The following CTSO variants were observed in gnomAD, a reference collection of about 807,000 sequenced individuals.
The protein encoded by CTSO is cathepsin O.
CTSO carries 40 observed loss-of-function variants against 42.4 expected under a neutral mutation model. That is an observed-to-expected ratio of 0.94 (90% CI 0.73 to 1.23). The LOEUF (loss-of-function observed/expected upper bound fraction) is 1.23, where lower values mean the gene tolerates loss of function less well. CTSO is among the 50% of genes most tolerant of loss of function. CTSO has a pLI of 0.00. For missense variants in CTSO, 441 were observed against 396.0 expected (o/e 1.11, Z -0.96); for synonymous variants, 156 against 146.2 (o/e 1.07, Z -0.48).
At chr4:155,929,464 A>G in intron 6 of CTSO, 78 bp downstream of exon 6, 1 of 1,418,530 alleles carries the variant, frequency 7.0e-7, no homozygotes, top group Non-Finnish European at 9.5e-7. Context: ...CCAAATTTCA[A>G]TGTTCTACAG....
intron 2 of CTSO, 24 bp downstream of exon 2, chr4:155,943,132 C>T (rs748127311): frequency 1.4e-6 from 2 of 1,396,552 alleles, no homozygotes; most frequent in Non-Finnish European, 2.0e-6. Flanking sequence ...AGGAAACCAC[C>T]TAAATAGCAA....
At chr4:155,948,806 A>T (rs1157311816) in intron 1 of CTSO, among the ~76,000 whole-genome samples, 1 of 152,188 alleles carries the variant, frequency 6.6e-6, no homozygotes, top group African/African-American at 2.4e-5. Context: ...CGGCTAGGGT[A>T]AGTTAAGAGG....
chr4:155,937,550 C>T (rs770282500), intron 4 of CTSO, 67 bp from the exon 5 acceptor site: 3 of 1,491,682 alleles, frequency 2.0e-6, no homozygotes, highest in Non-Finnish European at 1.9e-6. Flanking sequence ...GAACTTACTT[C>T]ACTGTGTCAA....
chr4:155,940,187 G>A (rs1743403621), intron 3 of CTSO, among the ~76,000 whole-genome samples: 1 of 152,114 alleles, frequency 6.6e-6, no homozygotes, highest in South Asian at 2.1e-4. Context: ...GCTGATAGTG[G>A]ATCTCTTAAT....
In CTSO at chr4:155,950,033, T is replaced by C. The variant is rs562260797; in HGVS notation, c.135+3680A>G. 7.9e-4 allele frequency among the ~76,000 whole-genome samples: 121 copies of C among 152,358 alleles called. 2 individuals carry two copies. The highest frequency in any genetic ancestry group is 2.8e-3 in the African/African-American group (118 of 41,588). ...AGGATACACTTTTATAAAGTACAGCTTTTGAAAAGTTTCTTAGACAAAGTA... is the reference window on the plus strand; with the variant it reads ...AGGATACACTTTTATAAAGTACAGCCTTTGAAAAGTTTCTTAGACAAAGTA... On this transcript the variant is annotated intron_variant, in intron 1 of 7. Coordinates refer to ENST00000433477, the MANE Select transcript of CTSO (RefSeq NM_001334.3).
At chr4:155,934,357 C>T (rs950929913) in intron 5 of CTSO, among the ~76,000 whole-genome samples, 1 of 152,178 alleles carries the variant, frequency 6.6e-6, no homozygotes. Flanking sequence ...GGAGCAGGGC[C>T]CTCATGGAAA....
At position 155,942,370 on chromosome 4, in the gene CTSO, T is replaced by C. The variant is rs1743455358; in HGVS notation, c.331A>G (p.Arg111Gly). The change falls in exon 3 of 8, where the codon AGA becomes GGA. Residue 111 changes from arginine (R) to glycine (G), a missense_variant. By Grantham distance (125) the Arg-to-Gly change is moderately radical. Coordinates refer to ENST00000433477, the MANE Select transcript of CTSO (RefSeq NM_001334.3). ...ACCTGCTTGTCCCTCCAGTCAAATCTTAACGGCAAAGACACATTGGGGATG... is the reference window on the plus strand; with the variant it reads ...ACCTGCTTGTCCCTCCAGTCAAATCCTAACGGCAAAGACACATTGGGGATG... ...MSIPNVSLPL[R>G]FDWRDKQVVT... 6.2e-7 allele frequency: 1 copy of C among 1,602,982 alleles called. No homozygotes were observed.
Position 155,926,076 on chromosome 4 carries a change from G to GT in CTSO, c.932-7_932-6insA, listed in dbSNP as rs1743124735. The GT allele has an allele frequency of 1.4e-6, 2 of 1,478,696 alleles. No individual in the cohort carries two copies. Among genetic ancestry groups the GT allele is most frequent in the Non-Finnish European group, 9.1e-7 (1 of 1,102,888 alleles). 91.6% of individuals were successfully genotyped at this position (1,478,696 alleles called of 1,614,324 possible). On this transcript the variant is annotated splice_region_variant and splice_polypyrimidine_tract_variant and intron_variant, in intron 7 of 7. Transcript: ENST00000433477. ...AGAAACGGAATCTGCAATACCTAAG[G>GT]GAAAAAAAAGGAATTATTAGTCTAT...
chr4:155,952,557 G>C (rs1289075501), intron 1 of CTSO, among the ~76,000 whole-genome samples: 2 of 152,186 alleles, frequency 1.3e-5, no homozygotes, highest in African/African-American at 4.8e-5. Flanking sequence ...ATACAGGCCA[G>C]AATTTTGTTC....
chr4:155,929,752 A>T (rs1460364499), intron 5 of CTSO, 47 bp from the exon 6 acceptor site: 2 of 1,537,548 alleles, frequency 1.3e-6, no homozygotes, highest in African/African-American at 2.7e-5. Context: ...TTTTTAAGGT[A>T]AAAATAACAA....
intron 5 of CTSO, among the ~76,000 whole-genome samples, chr4:155,933,296 T>TATA (rs540739198): frequency 0.012 from 1,771 of 152,264 alleles, 19 homozygotes; most frequent in South Asian, 0.019. Flanking sequence ...CAATTTCTCT[T>TATA]GCCGCCACCA....
rs1743088542 is a variant in CTSO, at chr4:155,924,130, C to T, written c.*1906G>A. 6.6e-6 allele frequency: 1 copy of T among 152,098 alleles called. No individual in the cohort carries two copies. The highest frequency in any genetic ancestry group is 1.9e-4 in the East Asian group (1 of 5,202). The allele number at this position is 152,098 out of a possible 1,614,324, so 9.4% of individuals were successfully genotyped here. On this transcript the variant is annotated 3_prime_UTR_variant, in exon 8 of 8. Coordinates refer to ENST00000433477, the MANE Select transcript of CTSO (RefSeq NM_001334.3). ...ACTTAAGAAGAGGTTCTTTTTAAAC[C>T]AAAGTCAAATGTAGGTTGTTTTATT... is the stretch of plus-strand genomic sequence containing the variant.
At chr4:155,927,036 G>A (rs1743140892) in intron 7 of CTSO, among the ~76,000 whole-genome samples, 1 of 152,174 alleles carries the variant, frequency 6.6e-6, no homozygotes. Flanking sequence ...CAGTGATGCT[G>A]AAAAGTGGAG....
chr4:155,936,764 T>G (rs1411688393), intron 5 of CTSO, among the ~76,000 whole-genome samples: 2 of 152,208 alleles, frequency 1.3e-5, no homozygotes, highest in Admixed American at 6.5e-5. Context: ...TATCCCTACA[T>G]TCCCATCATG....
intron 1 of CTSO, among the ~76,000 whole-genome samples, chr4:155,949,969 T>G (rs531848944): frequency 6.6e-6 from 1 of 150,524 alleles, no homozygotes; most frequent in Non-Finnish European, 1.5e-5. Flanking sequence ...ATAGTGCCAC[T>G]GTTGAGGAGC....
At position 155,953,857 on chromosome 4, in the gene CTSO, C is replaced by A; in HGVS notation, c.-10G>T. 4.7e-6 allele frequency: 6 copies of A among 1,270,908 alleles called. No individual in the cohort carries two copies. The highest frequency in any genetic ancestry group is 5.9e-6 in the Non-Finnish European group (6 of 1,011,534). 78.7% of individuals were successfully genotyped at this position (1,270,908 alleles called of 1,614,324 possible). A position where few individuals can be genotyped will look rare whatever the true frequency, so the allele number is the denominator to read the frequency against. On this transcript the variant is annotated 5_prime_UTR_variant, in exon 1 of 8. Transcript: ENST00000433477. ...GCGCCCGCACGTCCATTGCGGCGCC[C>A]GGCTCCTCTGCCGCCCGCGCGGCCT...
chr4:155,941,477 G>T (rs1265700600), intron 3 of CTSO, among the ~76,000 whole-genome samples: 4 of 152,222 alleles, frequency 2.6e-5, no homozygotes, highest in Non-Finnish European at 1.5e-5. Context: ...ACAAGCTGCT[G>T]CCCTGCCAAC....
chr4:155,934,092 G>C (rs950966445), intron 5 of CTSO, among the ~76,000 whole-genome samples: 1 of 152,172 alleles, frequency 6.6e-6, no homozygotes, highest in Non-Finnish European at 1.5e-5. Context: ...AGGCCCAGAA[G>C]GAAAAAGTGG....
chr4:155,943,208 G>A lies in CTSO; in HGVS notation c.192C>T (p.Thr64=), dbSNP rs758618667. Residue 64 remains threonine, a synonymous_variant, in exon 2 of 8, where the codon ACC becomes ACT. Transcript: ENST00000433477. ...AAAACTGATTTATTCCATAGAAGGC[G>A]GTGGAGTTTTCACTGGGAAATAAAG... is the stretch of plus-strand genomic sequence containing the variant. ...LNSLFPSENS[T]AFYGINQFSY... is the part of the protein sequence containing the mutation. 1.8e-5 allele frequency: 29 copies of A among 1,612,040 alleles called. 1 individual carries two copies. The Admixed American group carries it at 2.2e-4, about 12-fold the overall frequency.
Sources: allele counts gnomAD v4.1 joint callset (sites outside exome capture counted in the v4.1 genomes callset), GRCh38; gene constraint gnomAD v4.1.1; transcripts MANE v1.5; gene names NCBI Gene and HGNC (gene_info 2026-07-23, HGNC 2026-07-21).